RBFOX1: variants seen among roughly 807,000 people sequenced by gnomAD.
The protein encoded by RBFOX1 is RNA binding fox-1 homolog 1.
A neutral mutation model predicts 57.7 loss-of-function variants in RBFOX1; 8 were observed. That is an observed-to-expected ratio of 0.14 (90% CI 0.08 to 0.25). RBFOX1 has a LOEUF of 0.25. RBFOX1 is among the 10% of genes least tolerant of loss of function. The pLI is 1.00. For missense variants in RBFOX1, 611 were observed against 548.5 expected (o/e 1.11, Z -1.14); for synonymous variants, 326 against 222.4 (o/e 1.47, Z -4.15).
chr16:7,129,624 C>G (rs955868706), intron 4 of RBFOX1, among the ~76,000 whole-genome samples: 2 of 151,950 alleles, frequency 1.3e-5, no homozygotes, highest in African/African-American at 2.4e-5. Context: ...TGATTGTTGA[C>G]TAGATCATGA....
chr16:6,339,137 A>G (rs561157109), intron 2 of RBFOX1, among the ~76,000 whole-genome samples: 7 of 152,334 alleles, frequency 4.6e-5, no homozygotes, highest in African/African-American at 1.7e-4. Context: ...TATTTTATGG[A>G]ATACTTACTG....
At chr16:6,065,185 C>G (rs2053936) in intron 1 of RBFOX1, among the ~76,000 whole-genome samples, 138,517 of 149,850 alleles carry the variant, frequency 0.92, 64,070 homozygotes, top group African/African-American at 0.95. Context: ...GTGCCACCAT[C>G]ACCGGCTAAT....
chr16:6,213,424 A>T (rs897389823), intron 1 of RBFOX1, among the ~76,000 whole-genome samples: 1 of 152,002 alleles, frequency 6.6e-6, no homozygotes, highest in Admixed American at 6.6e-5. Flanking sequence ...CTGATTTACA[A>T]CCGGCAATAT....
chr16:6,817,711 A>G (rs1018788801), intron 3 of RBFOX1, among the ~76,000 whole-genome samples: 13 of 151,994 alleles, frequency 8.6e-5, no homozygotes, highest in South Asian at 4.2e-4. Context: ...TCAAAGAAAA[A>G]AAAAACAAAC....
chr16:5,735,295 C>T (rs554517052), intron 3 of RBFOX1, among the ~76,000 whole-genome samples: 1 of 152,328 alleles, frequency 6.6e-6, no homozygotes, highest in Non-Finnish European at 1.5e-5. Flanking sequence ...TTCCATTACT[C>T]AAACCCAGAC....
rs17140575 is a variant in RBFOX1, at chr16:6,545,928, A to G, written c.-63-108675A>G. ...TCAACTTGAGTACTGCACGTGCTAGATAGTCTCTGTGTACTGTTGTCTAAA... is the reference window on the plus strand; with the variant it reads ...TCAACTTGAGTACTGCACGTGCTAGGTAGTCTCTGTGTACTGTTGTCTAAA... On this transcript the variant is annotated intron_variant, in intron 2 of 15. Coordinates refer to ENST00000550418, the MANE Select transcript of RBFOX1 (RefSeq NM_018723.4). 8.1e-3 allele frequency among the ~76,000 whole-genome samples: 1,238 copies of G among 152,288 alleles called. 9 individuals carry two copies. The highest frequency in any genetic ancestry group is 0.027 in the Middle Eastern group (8 of 294).
At chr16:6,187,533 C>A (rs1454340342) in intron 1 of RBFOX1, among the ~76,000 whole-genome samples, 1 of 152,116 alleles carries the variant, frequency 6.6e-6, no homozygotes, top group Admixed American at 6.6e-5. Context: ...CTAGCTCTCA[C>A]AAGTATTGTG....
At chr16:6,957,116 T>TTTTATTCATTTATTTATTTA in intron 3 of RBFOX1, among the ~76,000 whole-genome samples, 1 of 139,252 alleles carries the variant, frequency 7.2e-6, no homozygotes, top group Non-Finnish European at 1.5e-5. Context: ...TTATTTTTAT[T>TTTTATTCATTTATTTATTTA]TTTATTTATT....
intron 11 of RBFOX1, among the ~76,000 whole-genome samples, chr16:7,638,773 G>C (rs950920505): frequency 6.6e-6 from 1 of 152,118 alleles, no homozygotes; most frequent in African/African-American, 2.4e-5. Flanking sequence ...GCGTGACTGT[G>C]TTCCAATAAA....
intron 4 of RBFOX1, among the ~76,000 whole-genome samples, chr16:7,251,183 C>G (rs996031594): frequency 1.3e-5 from 2 of 152,090 alleles, no homozygotes; most frequent in African/African-American, 4.8e-5. Context: ...CAATCCCACC[C>G]CAGCCCCTGG....
chr16:7,440,034 C>G (rs1047258733), intron 4 of RBFOX1, among the ~76,000 whole-genome samples: 5 of 150,250 alleles, frequency 3.3e-5, no homozygotes, highest in African/African-American at 7.3e-5. Context: ...TCACAGCAGC[C>G]TCCATCTCCC....
intron 3 of RBFOX1, among the ~76,000 whole-genome samples, chr16:5,863,195 G>A (rs749706906): frequency 6.6e-6 from 1 of 152,260 alleles, no homozygotes; most frequent in Non-Finnish European, 1.5e-5. Flanking sequence ...CCTTAATGTC[G>A]GCCTTTGCGA....
intron 4 of RBFOX1, among the ~76,000 whole-genome samples, chr16:7,334,285 A>G (rs368307938): frequency 6.6e-6 from 1 of 152,184 alleles, no homozygotes; most frequent in East Asian, 1.9e-4. Context: ...GTTATAAACA[A>G]ATGGGTCATC....
intron 2 of RBFOX1, among the ~76,000 whole-genome samples, chr16:6,539,806 G>GACACACACACACACACAC (rs35407844): frequency 0.01 from 1,382 of 136,282 alleles, 37 homozygotes; most frequent in South Asian, 0.017. Flanking sequence ...TCAAAACACA[G>GACACACACACACACACAC]ACACACACAC....
chr16:5,374,406 A>C (rs954182271), intron 1 of RBFOX1, among the ~76,000 whole-genome samples: 2 of 152,130 alleles, frequency 1.3e-5, no homozygotes, highest in Non-Finnish European at 2.9e-5. Context: ...TTAGTCCTTA[A>C]ATTTGCATGT....
chr16:7,495,400 T>A (rs897197197), intron 4 of RBFOX1, among the ~76,000 whole-genome samples: 1 of 152,208 alleles, frequency 6.6e-6, no homozygotes, highest in African/African-American at 2.4e-5. Flanking sequence ...TCAAACAGCT[T>A]TCCACAGTGG....
chr16:6,450,814 TATAC>T lies in RBFOX1; in HGVS notation c.-64+133761_-64+133764del, dbSNP rs796255418. The stretch of plus-strand genomic sequence containing the variant: ...ACATATATATATGTATATATATATA[TATAC>T]ATATATATATATATATATGTGTATA... On this transcript the variant is annotated intron_variant, in intron 2 of 15. Coordinates refer to ENST00000550418, the MANE Select transcript of RBFOX1 (RefSeq NM_018723.4). Among the ~76,000 whole-genome samples the T allele has an allele frequency of 2.3e-3, 24 of 10,414 alleles. 2 individuals are homozygous for T. The highest frequency in any genetic ancestry group is 0.012 in the African/African-American group (21 of 1,810). 6.8% of individuals were successfully genotyped at this position (10,414 alleles called of 152,430 possible). A position where few individuals can be genotyped will look rare whatever the true frequency, so the allele number is the denominator to read the frequency against.
intron 4 of RBFOX1, among the ~76,000 whole-genome samples, chr16:7,158,888 C>G (rs2077702543): frequency 6.6e-6 from 1 of 151,862 alleles, no homozygotes; most frequent in African/African-American, 2.4e-5. Context: ...TGTGTCTTTG[C>G]ACACGTGTGT....
At chr16:5,562,126 A>G (rs1383135070) in intron 2 of RBFOX1, among the ~76,000 whole-genome samples, 1 of 152,170 alleles carries the variant, frequency 6.6e-6, no homozygotes, top group Non-Finnish European at 1.5e-5. Context: ...TCCTGAGCTC[A>G]TGGCAAGGTT....
Sources: gnomAD v4.1 joint callset for allele counts (sites outside exome capture counted in the v4.1 genomes callset) on GRCh38, gnomAD v4.1.1 for gene constraint, MANE v1.5 for transcripts, NCBI Gene and HGNC (gene_info 2026-07-23, HGNC 2026-07-21) for gene names.